Variants in TRAF3 observed in about 807,000 individuals in gnomAD.
The protein encoded by TRAF3 is TNF receptor-associated factor 3.
A neutral mutation model predicts 62.3 loss-of-function variants in TRAF3; 13 were observed. The ratio of observed to expected loss-of-function variants is 0.21; its 90% confidence interval spans 0.14 to 0.33. The LOEUF (loss-of-function observed/expected upper bound fraction) is 0.33. TRAF3 is among the 10% of genes least tolerant of loss of function. The pLI, the probability that TRAF3 is intolerant of heterozygous loss-of-function variation, is 1.00. For missense variants in TRAF3, 440 were observed against 741.8 expected, an observed-to-expected ratio of 0.59 and a Z score of 4.73; for synonymous variants, 269 against 283.4, an observed-to-expected ratio of 0.95 and a Z score of 0.51.
At chr14:102,799,642 G>C (rs531946913) in intron 1 of TRAF3, among the ~76,000 whole-genome samples, 1 of 152,138 alleles carries the variant, frequency 6.6e-6, no homozygotes, top group South Asian at 2.1e-4. Context: ...GTAGAGATGG[G>C]GTTTCACCAT....
chr14:102,811,317 AAGAG>A (rs1245998035), intron 1 of TRAF3, among the ~76,000 whole-genome samples: 1 of 142,494 alleles, frequency 7.0e-6, no homozygotes, highest in Admixed American at 7.0e-5. Flanking sequence ...TTTTTTTCTT[AAGAG>A]AGAGTCTTGC....
chr14:102,875,779 CT>C, intron 5 of TRAF3, 51 bp downstream of exon 5: 1 of 1,492,010 alleles, frequency 6.7e-7, no homozygotes, highest in Non-Finnish European at 9.3e-7. Flanking sequence ...ATTCGAGTCC[CT>C]TACATCCAGC....
chr14:102,798,811 C>G (rs1898236330), intron 1 of TRAF3, among the ~76,000 whole-genome samples: 1 of 152,156 alleles, frequency 6.6e-6, no homozygotes, highest in Non-Finnish European at 1.5e-5. Context: ...GGGTGCCAGT[C>G]CTGCTGTTAC....
chr14:102,790,985 C>T (rs1296668408), intron 1 of TRAF3, among the ~76,000 whole-genome samples: 1 of 151,364 alleles, frequency 6.6e-6, no homozygotes, highest in South Asian at 2.1e-4. Flanking sequence ...ACAGTATTGT[C>T]CTCCAATCCA....
At chr14:102,839,704 G>T (rs1178941004) in intron 2 of TRAF3, among the ~76,000 whole-genome samples, 1 of 152,164 alleles carries the variant, frequency 6.6e-6, no homozygotes, top group Non-Finnish European at 1.5e-5. Context: ...TTGTGTGTTT[G>T]TATTTATTTA....
chr14:102,839,960 G>T (rs1171550148), intron 2 of TRAF3, among the ~76,000 whole-genome samples: 1 of 152,044 alleles, frequency 6.6e-6, no homozygotes, highest in African/African-American at 2.4e-5. Context: ...TGGCAGTTCC[G>T]ACAAACTCTT....
intron 2 of TRAF3, among the ~76,000 whole-genome samples, chr14:102,839,219 T>C (rs867137278): frequency 0.13 from 16,875 of 130,144 alleles, 1,318 homozygotes; most frequent in Admixed American, 0.21. Context: ...CCTTTTTTTT[T>C]TTTTTTTTTT....
chr14:102,845,974 G>A (rs1399190285), intron 2 of TRAF3, among the ~76,000 whole-genome samples: 6 of 85,598 alleles, frequency 7.0e-5, no homozygotes, highest in African/African-American at 2.0e-4. Context: ...GAGGTCGACC[G>A]TGTCTCAAAA....
chr14:102,789,005 C>T lies in TRAF3; in HGVS notation c.-157+11330C>T, dbSNP rs561772537. Among the ~76,000 whole-genome samples, 160 of 152,238 alleles carry T rather than the reference C, an allele frequency of 1.1e-3. 1 individual carries two copies. Among genetic ancestry groups the T allele is most frequent in the African/African-American group, 3.8e-3 (156 of 41,550 alleles). ...AAAAACAACTTTTCATCCCCCTTTA[C>T]CCATTAAGTAATCACTCCCATTCCC... On this transcript the variant is annotated intron_variant, in intron 1 of 11. Transcript: ENST00000392745.
At chr14:102,816,308 G>A (rs926629542) in intron 1 of TRAF3, among the ~76,000 whole-genome samples, 1 of 151,886 alleles carries the variant, frequency 6.6e-6, no homozygotes, top group African/African-American at 2.4e-5. Flanking sequence ...TTACCATGTT[G>A]GCCAGGCTGG....
At chr14:102,808,246 C>G (rs1898894796) in intron 1 of TRAF3, among the ~76,000 whole-genome samples, 1 of 152,132 alleles carries the variant, frequency 6.6e-6, no homozygotes, top group Non-Finnish European at 1.5e-5. Context: ...GGTGCGGTGG[C>G]TCACACCTGT....
intron 1 of TRAF3, among the ~76,000 whole-genome samples, chr14:102,816,918 A>G (rs1899567810): frequency 6.6e-6 from 1 of 152,106 alleles, no homozygotes. Flanking sequence ...CTTTGGTGAG[A>G]AGTGGTTGGA....
chr14:102,874,231 G>T lies in TRAF3; in HGVS notation c.298-1393G>T, dbSNP rs544453641. 1.6e-4 allele frequency among the ~76,000 whole-genome samples: 24 copies of T among 152,118 alleles called. No individual in the cohort carries two copies. In the South Asian group the frequency reaches 4.8e-3, roughly 30 times the overall value. ...AGTGAAGCCATGATTGCACCAGTGC[G>T]CTCCAGCCTGGGTGACAGAGTGAAA... On this transcript the variant is annotated intron_variant, in intron 4 of 11. Transcript: ENST00000392745.
intron 2 of TRAF3, among the ~76,000 whole-genome samples, chr14:102,862,767 C>G (rs546122354): frequency 6.6e-6 from 1 of 152,080 alleles, no homozygotes; most frequent in East Asian, 1.9e-4. Context: ...TGGTGTCCCA[C>G]AAGTCTCTGA....
intron 10 of TRAF3, among the ~76,000 whole-genome samples, chr14:102,902,081 C>T (rs1268054792): frequency 1.3e-5 from 2 of 152,246 alleles, no homozygotes; most frequent in African/African-American, 4.8e-5. Context: ...GAGTACAGCT[C>T]CCACCCCTCC....
At chr14:102,782,852 T>C (rs1208220793) in intron 1 of TRAF3, among the ~76,000 whole-genome samples, 2 of 152,068 alleles carry the variant, frequency 1.3e-5, no homozygotes, top group African/African-American at 4.8e-5. Context: ...AAAGCGTATT[T>C]ATTGGAAACT....
At chr14:102,842,667 C>T (rs556675689) in intron 2 of TRAF3, among the ~76,000 whole-genome samples, 3 of 152,076 alleles carry the variant, frequency 2.0e-5, no homozygotes, top group Non-Finnish European at 4.4e-5. Flanking sequence ...ATCCAAGGTA[C>T]CTCATAATCA....
intron 9 of TRAF3, 71 bp from the exon 10 acceptor site, chr14:102,897,190 T>G (rs1890049083): frequency 1.4e-6 from 2 of 1,437,012 alleles, no homozygotes; most frequent in African/African-American, 1.4e-5. Context: ...TTGTGAAAAT[T>G]TAATTGATAT....
At chr14:102,904,759 G>T (rs1413645740) in intron 11 of TRAF3, among the ~76,000 whole-genome samples, 1 of 146,150 alleles carries the variant, frequency 6.8e-6, no homozygotes, top group Non-Finnish European at 1.5e-5. Flanking sequence ...GCAGTGAGCC[G>T]AGATTGTGCC....
Sources: allele counts gnomAD v4.1 joint callset (sites outside exome capture counted in the v4.1 genomes callset), GRCh38; gene constraint gnomAD v4.1.1; transcripts MANE v1.5; gene names NCBI Gene and HGNC (gene_info 2026-07-23, HGNC 2026-07-21).